Variants in MAST4 observed in about 807,000 individuals in gnomAD.
MAST4 encodes microtubule associated serine/threonine kinase family member 4, also known as microtubule-associated serine/threonine-protein kinase 4.
Under a neutral mutation model 162.7 loss-of-function variants are expected in MAST4, and 89 were observed. The ratio of observed to expected loss-of-function variants is 0.55; its 90% confidence interval spans 0.46 to 0.65. The LOEUF is 0.65. Ranked by LOEUF, MAST4 falls within the 30% of genes least tolerant of loss-of-function variation. The probability of loss-of-function intolerance (pLI) is 0.00; values close to 1 mark genes in which losing one functional copy is unlikely to be tolerated. For missense variants in MAST4, 3,153 were observed against 3,374.0 expected, an observed-to-expected ratio of 0.93 and a Z score of 1.62; for synonymous variants, 1,479 against 1,361.1, an observed-to-expected ratio of 1.09 and a Z score of -1.91.
chr5:66,743,773 T>G (rs1329584404), intron 1 of MAST4, among the ~76,000 whole-genome samples: 2 of 152,158 alleles, frequency 1.3e-5, no homozygotes, highest in African/African-American at 4.8e-5. Flanking sequence ...GGCTGCTGGT[T>G]TAAGGTCTTG....
intron 4 of MAST4, among the ~76,000 whole-genome samples, chr5:66,905,302 CAAAAAAAAAAAAA>C: frequency 1.3e-5 from 1 of 78,448 alleles, no homozygotes; most frequent in South Asian, 4.4e-4. Context: ...AACTCTGTCT[CAAAAAAAAAAAAA>C]AAAAAAAAAA....
Position 66,788,691 on chromosome 5 carries a change from C to T in MAST4, c.539C>T (p.Pro180Leu). Residue 180 changes from proline to leucine, a missense_variant, in exon 3 of 29, where the codon CCG becomes CTG. Around this residue, in one of 7 missense-constraint regions of MAST4, gnomAD observed 327 missense variants for 336.5 expected, o/e 0.97. Transcript: ENST00000403625. ...ACAGGGAGGTACCTTCTTCCAAACC[C>T]GGTGGCGGGACAGGCCTGGCCGGCC... is the stretch of plus-strand genomic sequence containing the variant. ...ALTGRYLLPN[P>L]VAGQAWPASA... 4 of 1,608,656 alleles carry T rather than the reference C, an allele frequency of 2.5e-6. No individual in the cohort carries two copies. The highest frequency in any genetic ancestry group is 1.7e-5 in the Admixed American group (1 of 59,822).
intron 1 of MAST4, among the ~76,000 whole-genome samples, chr5:66,716,206 G>A (rs1750826351): frequency 6.6e-6 from 1 of 151,986 alleles, no homozygotes; most frequent in Admixed American, 6.5e-5. Flanking sequence ...AAATAACAAT[G>A]GATACATTTA....
At chr5:66,913,911 A>T (rs1763937914) in intron 4 of MAST4, among the ~76,000 whole-genome samples, 1 of 152,176 alleles carries the variant, frequency 6.6e-6, no homozygotes. Flanking sequence ...CTCCTCTGAA[A>T]TGCTTTGAAC....
At chr5:66,723,706 A>G (rs1751352732) in intron 1 of MAST4, among the ~76,000 whole-genome samples, 1 of 152,214 alleles carries the variant, frequency 6.6e-6, no homozygotes, top group African/African-American at 2.4e-5. Flanking sequence ...TGCTTTTTCA[A>G]GGAATGATCT....
chr5:66,696,341 G>A (rs997831806), intron 1 of MAST4, among the ~76,000 whole-genome samples: 2 of 151,372 alleles, frequency 1.3e-5, no homozygotes, highest in African/African-American at 2.4e-5. Context: ...TGTCTTCCAC[G>A]TGTATCCCAG....
At chr5:66,935,901 C>G (rs1357105126) in intron 4 of MAST4, among the ~76,000 whole-genome samples, 2 of 152,132 alleles carry the variant, frequency 1.3e-5, no homozygotes, top group Non-Finnish European at 2.9e-5. Flanking sequence ...CTCCTGACCT[C>G]AAATAATCCA....
intron 3 of MAST4, among the ~76,000 whole-genome samples, chr5:66,793,301 G>T (rs867222870): frequency 1.3e-5 from 2 of 152,206 alleles, no homozygotes; most frequent in Non-Finnish European, 2.9e-5. Flanking sequence ...GCCAGTGTCC[G>T]CCTGCTGGGA....
intron 4 of MAST4, among the ~76,000 whole-genome samples, chr5:66,927,005 G>A (rs572275737): frequency 2.1e-4 from 32 of 152,244 alleles, no homozygotes; most frequent in African/African-American, 5.1e-4. Context: ...GTAGGTATTC[G>A]TTATGTGATT....
intron 4 of MAST4, among the ~76,000 whole-genome samples, chr5:67,043,101 T>C (rs1358355912): frequency 6.6e-6 from 1 of 152,140 alleles, no homozygotes; most frequent in Non-Finnish European, 1.5e-5. Context: ...TTCCCTTTTG[T>C]GGGTCAAAAA....
At chr5:67,028,923 G>A (rs144772595) in intron 4 of MAST4, among the ~76,000 whole-genome samples, 3,378 of 152,156 alleles carry the variant, frequency 0.022, 57 homozygotes, top group African/African-American at 0.043. Flanking sequence ...AAGCCAAGGA[G>A]TTCAAGACCA....
intron 26 of MAST4, among the ~76,000 whole-genome samples, chr5:67,159,940 C>G (rs1772998583): frequency 6.6e-6 from 1 of 152,118 alleles, no homozygotes; most frequent in Non-Finnish European, 1.5e-5. Flanking sequence ...TGTTACTCTA[C>G]AATTTTTAGG....
At chr5:66,632,416 T>G (rs1001249743) in intron 1 of MAST4, among the ~76,000 whole-genome samples, 3 of 152,042 alleles carry the variant, frequency 2.0e-5, no homozygotes, top group African/African-American at 7.2e-5. Flanking sequence ...AGAAATTGAG[T>G]AGGGGCTTTG....
At chr5:67,154,870 A>T (rs1170336757) in intron 26 of MAST4, among the ~76,000 whole-genome samples, 3 of 152,202 alleles carry the variant, frequency 2.0e-5, no homozygotes, top group South Asian at 2.1e-4. Context: ...TCCAAATTTA[A>T]CCAGTGACTC....
At chr5:67,060,786 A>T (rs777269544) in intron 5 of MAST4, among the ~76,000 whole-genome samples, 2 of 152,116 alleles carry the variant, frequency 1.3e-5, no homozygotes, top group African/African-American at 2.4e-5. Context: ...TGATATCAGC[A>T]TGAAACTTTG....
At chr5:66,988,956 A>G (rs970207627) in intron 4 of MAST4, among the ~76,000 whole-genome samples, 2 of 152,238 alleles carry the variant, frequency 1.3e-5, no homozygotes, top group African/African-American at 2.4e-5. Context: ...TAATATACCA[A>G]CTTCATTAAT....
intron 4 of MAST4, among the ~76,000 whole-genome samples, chr5:66,940,246 CAGGGTGGTGGTTACTGA>C (rs1429617787): frequency 6.6e-6 from 1 of 152,068 alleles, no homozygotes; most frequent in Admixed American, 6.6e-5. Context: ...GTTGATTCAT[CAGGGTGGTGGTTACTGA>C]AGGTTGCGGT....
intron 3 of MAST4, among the ~76,000 whole-genome samples, chr5:66,856,526 G>T (rs1314020091): frequency 6.6e-6 from 1 of 152,186 alleles, no homozygotes; most frequent in Non-Finnish European, 1.5e-5. Context: ...GTGAGATATT[G>T]GTCTCAGTTT....
chr5:66,744,440 G>A (rs781627533), intron 1 of MAST4, among the ~76,000 whole-genome samples: 2 of 152,130 alleles, frequency 1.3e-5, no homozygotes, highest in African/African-American at 2.4e-5. Context: ...GAGCTTAAAC[G>A]TTATTTTATA....
Sources: allele counts gnomAD v4.1 joint callset (sites outside exome capture counted in the v4.1 genomes callset), GRCh38; gene constraint gnomAD v4.1.1; regional missense constraint gnomAD v4.1.1; transcripts MANE v1.5; gene names NCBI Gene and HGNC (gene_info 2026-07-23, HGNC 2026-07-21).